RBFOX1: variants seen among roughly 807,000 people sequenced by gnomAD.
The protein encoded by RBFOX1 is RNA binding fox-1 homolog 1, also known as RNA binding protein fox-1 homolog 1.
RBFOX1 carries 8 observed loss-of-function variants against 57.7 expected under a neutral mutation model. The observed-to-expected ratio is 0.14, with a 90% CI of 0.08 to 0.25. The LOEUF (loss-of-function observed/expected upper bound fraction) is 0.25, where lower values mean the gene tolerates loss of function less well. RBFOX1 is among the 10% of genes least tolerant of loss of function. RBFOX1 has a pLI of 1.00. For missense variants in RBFOX1, 611 were observed against 548.5 expected, an observed-to-expected ratio of 1.11 and a Z score of -1.14; for synonymous variants, 326 against 222.4, an observed-to-expected ratio of 1.47 and a Z score of -4.15.
At chr16:5,879,265 C>T (rs769908872) in intron 4 of RBFOX1, among the ~76,000 whole-genome samples, 10 of 152,188 alleles carry the variant, frequency 6.6e-5, no homozygotes, top group Non-Finnish European at 1.3e-4. Context: ...GCTGGGCCAG[C>T]AGGGGTTTCA....
At chr16:5,447,165 C>T (rs1385046318) in intron 1 of RBFOX1, among the ~76,000 whole-genome samples, 2 of 152,144 alleles carry the variant, frequency 1.3e-5, no homozygotes, top group South Asian at 2.1e-4. Flanking sequence ...GCCACCCCCT[C>T]CCCACCTACA....
At chr16:6,741,906 A>G (rs929478794) in intron 3 of RBFOX1, among the ~76,000 whole-genome samples, 1 of 152,162 alleles carries the variant, frequency 6.6e-6, no homozygotes, top group African/African-American at 2.4e-5. Flanking sequence ...AGCTCAATAG[A>G]TCAATTGTAC....
chr16:6,076,399 G>A (rs1243663620), intron 1 of RBFOX1, among the ~76,000 whole-genome samples: 1 of 151,906 alleles, frequency 6.6e-6, no homozygotes, highest in Non-Finnish European at 1.5e-5. Flanking sequence ...TTAACTGTTT[G>A]ACCTTCGGTA....
chr16:5,741,288 C>G (rs2052761189), intron 3 of RBFOX1, among the ~76,000 whole-genome samples: 1 of 152,174 alleles, frequency 6.6e-6, no homozygotes. Context: ...CATAAGGCCG[C>G]AAGCCCATCA....
At chr16:6,925,645 A>T (rs941902623) in intron 3 of RBFOX1, among the ~76,000 whole-genome samples, 1 of 152,004 alleles carries the variant, frequency 6.6e-6, no homozygotes, top group Non-Finnish European at 1.5e-5. Context: ...AGTGGCTACA[A>T]AGGGCTTAGG....
intron 3 of RBFOX1, among the ~76,000 whole-genome samples, chr16:6,819,172 A>C (rs934614685): frequency 6.6e-6 from 1 of 152,238 alleles, no homozygotes; most frequent in African/African-American, 2.4e-5. Flanking sequence ...TGAGCCTTGT[A>C]CACTGGAGTG....
At chr16:5,336,786 C>T (rs946414423) in intron 1 of RBFOX1, among the ~76,000 whole-genome samples, 3 of 152,158 alleles carry the variant, frequency 2.0e-5, no homozygotes, top group Non-Finnish European at 2.9e-5. Flanking sequence ...CCTGGGCTAG[C>T]TTTGCCTTCA....
intron 7 of RBFOX1, among the ~76,000 whole-genome samples, chr16:7,591,719 A>G (rs7500975): frequency 0.93 from 142,031 of 152,180 alleles, 66,647 homozygotes; most frequent in African/African-American, 0.97. Context: ...TTTTTTAAGC[A>G]GTTACACATC....
At chr16:5,914,803 G>C (rs149567681) in intron 4 of RBFOX1, among the ~76,000 whole-genome samples, 1 of 152,150 alleles carries the variant, frequency 6.6e-6, no homozygotes, top group South Asian at 2.1e-4. Flanking sequence ...GCTGAGGCAG[G>C]AGAATGGCAT....
At chr16:6,395,173 T>C (rs1390081740) in intron 2 of RBFOX1, among the ~76,000 whole-genome samples, 1 of 152,248 alleles carries the variant, frequency 6.6e-6, no homozygotes, top group Non-Finnish European at 1.5e-5. Context: ...AATTATTGTC[T>C]AAGGACTACA....
chr16:6,177,900 G>T (rs2097025933), intron 1 of RBFOX1, among the ~76,000 whole-genome samples: 1 of 140,690 alleles, frequency 7.1e-6, no homozygotes, highest in Non-Finnish European at 1.5e-5. Flanking sequence ...ACTTGAAATA[G>T]CTCCTGCATT....
intron 3 of RBFOX1, among the ~76,000 whole-genome samples, chr16:6,679,331 G>C (rs560971235): frequency 1.3e-5 from 2 of 151,976 alleles, no homozygotes; most frequent in African/African-American, 4.8e-5. Context: ...TAACAATGAC[G>C]AGCTTGATAT....
intron 1 of RBFOX1, among the ~76,000 whole-genome samples, chr16:6,151,835 A>G (rs1287409714): frequency 6.6e-6 from 1 of 152,172 alleles, no homozygotes; most frequent in Non-Finnish European, 1.5e-5. Flanking sequence ...CTAACAAGGT[A>G]CCTCTGCATT....
At chr16:7,362,502 T>G (rs2097347380) in intron 4 of RBFOX1, among the ~76,000 whole-genome samples, 1 of 144,164 alleles carries the variant, frequency 6.9e-6, no homozygotes, top group African/African-American at 2.9e-5. Flanking sequence ...TGTTAGTATG[T>G]GCATGTTTTT....
At chr16:6,210,881 T>C (rs542454313) in intron 1 of RBFOX1, among the ~76,000 whole-genome samples, 1 of 152,316 alleles carries the variant, frequency 6.6e-6, no homozygotes, top group South Asian at 2.1e-4. Context: ...AGGTGTCAGC[T>C]CAGCTGATAC....
intron 2 of RBFOX1, among the ~76,000 whole-genome samples, chr16:6,414,564 C>T (rs1567221897): frequency 6.6e-6 from 1 of 152,154 alleles, no homozygotes; most frequent in African/African-American, 2.4e-5. Context: ...AAATAAAGTA[C>T]TGTGTAAGTT....
intron 2 of RBFOX1, among the ~76,000 whole-genome samples, chr16:6,366,269 T>A (rs990631061): frequency 6.6e-6 from 1 of 152,192 alleles, no homozygotes. Flanking sequence ...TATCTTGTTT[T>A]TCCCTTGCTT....
At chr16:7,186,994 CAAAAA>C (rs35177784) in intron 4 of RBFOX1, among the ~76,000 whole-genome samples, 3,313 of 69,310 alleles carry the variant, frequency 0.048, 70 homozygotes, top group Admixed American at 0.091. Flanking sequence ...CCCACCTCCA[CAAAAA>C]AAAAAAAAAA....
chr16:7,549,542 A>G (rs1420412351), intron 5 of RBFOX1, among the ~76,000 whole-genome samples: 1 of 152,190 alleles, frequency 6.6e-6, no homozygotes, highest in East Asian at 1.9e-4. Flanking sequence ...CAAGGAAGCC[A>G]GTCCGAGTCC....
Sources: gnomAD v4.1 joint callset for allele counts (sites outside exome capture counted in the v4.1 genomes callset) on GRCh38, gnomAD v4.1.1 for gene constraint, MANE v1.5 for transcripts, NCBI Gene and HGNC (gene_info 2026-07-23, HGNC 2026-07-21) for gene names.